Variants in PSD3 observed in about 807,000 individuals in gnomAD.
The protein encoded by PSD3 is pleckstrin and Sec7 domain containing 3, also known as PH and SEC7 domain-containing protein 3.
In PSD3, 49 loss-of-function variants were observed where a neutral mutation model predicts 105.5. The ratio of observed to expected loss-of-function variants is 0.46; its 90% confidence interval spans 0.37 to 0.59. PSD3 has a LOEUF of 0.59. Ranked by LOEUF, PSD3 falls within the 20% of genes least tolerant of loss-of-function variation. The pLI, the probability that PSD3 is intolerant of heterozygous loss-of-function variation, is 0.00. For synonymous variants in PSD3, 557 were observed against 457.8 expected, an observed-to-expected ratio of 1.22 and a Z score of -2.77; for missense variants, 1,561 against 1,263.8, an observed-to-expected ratio of 1.24 and a Z score of -3.57.
At chr8:18,802,844 A>G (rs570229681) in intron 6 of PSD3, among the ~76,000 whole-genome samples, 13 of 152,364 alleles carry the variant, frequency 8.5e-5, no homozygotes, top group Admixed American at 5.2e-4. Context: ...TAATGTAAAA[A>G]GTGAGAATCA....
intron 1 of PSD3, among the ~76,000 whole-genome samples, chr8:18,987,201 T>A (rs1016283580): frequency 6.6e-6 from 1 of 152,010 alleles, no homozygotes; most frequent in Non-Finnish European, 1.5e-5. Flanking sequence ...TAGAAGAAAA[T>A]TTTTTGAGGT....
At chr8:18,748,595 G>C (rs907796820) in intron 9 of PSD3, among the ~76,000 whole-genome samples, 85 of 148,888 alleles carry the variant, frequency 5.7e-4, no homozygotes, top group Non-Finnish European at 8.9e-4. Context: ...GGGATGCAGA[G>C]CTTGCAGTGA....
At chr8:18,633,518 T>G (rs150646900) in intron 10 of PSD3, among the ~76,000 whole-genome samples, 33 of 152,286 alleles carry the variant, frequency 2.2e-4, no homozygotes, top group Middle Eastern at 3.4e-3. Flanking sequence ...GTATTTGGTT[T>G]TCTGTTCCTG....
At chr8:18,714,163 A>C (rs935794115) in intron 9 of PSD3, among the ~76,000 whole-genome samples, 13 of 152,198 alleles carry the variant, frequency 8.5e-5, no homozygotes, top group Admixed American at 2.6e-4. Flanking sequence ...TGTAAAACCC[A>C]AAACTGGAAA....
intron 1 of PSD3, among the ~76,000 whole-genome samples, chr8:18,955,550 T>C (rs1403442881): frequency 2.0e-5 from 3 of 152,190 alleles, no homozygotes; most frequent in African/African-American, 4.8e-5. Context: ...ACAATCAACC[T>C]TCTACACATT....
chr8:18,775,178 C>A (rs7823903), intron 8 of PSD3, among the ~76,000 whole-genome samples: 65,587 of 151,928 alleles, frequency 0.43, 14,554 homozygotes, highest in East Asian at 0.69. Flanking sequence ...ACATTGCTAC[C>A]AATAACATAA....
intron 4 of PSD3, among the ~76,000 whole-genome samples, chr8:18,807,619 C>T (rs1292524451): frequency 6.6e-6 from 1 of 152,164 alleles, no homozygotes; most frequent in Non-Finnish European, 1.5e-5. Context: ...CAGTCAATAT[C>T]AATGGCAGAA....
At chr8:18,823,815 C>A (rs1283130047) in intron 4 of PSD3, among the ~76,000 whole-genome samples, 1 of 150,522 alleles carries the variant, frequency 6.6e-6, no homozygotes, top group Non-Finnish European at 1.5e-5. Context: ...CACACACACA[C>A]CCCATTCCAT....
intron 2 of PSD3, among the ~76,000 whole-genome samples, chr8:18,888,002 A>C (rs552054450): frequency 6.6e-6 from 1 of 152,214 alleles, no homozygotes; most frequent in Non-Finnish European, 1.5e-5. Flanking sequence ...CCAAGATCAC[A>C]CGGCTAACGC....
At chr8:18,736,154 A>G (rs565969811) in intron 9 of PSD3, among the ~76,000 whole-genome samples, 40 of 152,292 alleles carry the variant, frequency 2.6e-4, no homozygotes, top group Middle Eastern at 3.4e-3. Flanking sequence ...TATCTCACGT[A>G]ATTTCTATAA....
intron 14 of PSD3, among the ~76,000 whole-genome samples, chr8:18,568,859 C>A (rs1355594763): frequency 1.3e-5 from 2 of 151,200 alleles, no homozygotes; most frequent in African/African-American, 4.9e-5. Flanking sequence ...CTCCCCACTC[C>A]CCCGACCCCA....
At chr8:19,033,410 A>G (rs545468218) in intron 1 of PSD3, among the ~76,000 whole-genome samples, 5 of 151,894 alleles carry the variant, frequency 3.3e-5, no homozygotes, top group Non-Finnish European at 7.4e-5. Flanking sequence ...TACCTATTTT[A>G]TTTTTCGAAG....
intron 1 of PSD3, among the ~76,000 whole-genome samples, chr8:19,009,310 T>C (rs1258247476): frequency 6.6e-6 from 1 of 152,236 alleles, no homozygotes; most frequent in Non-Finnish European, 1.5e-5. Context: ...AGAGCTCAGT[T>C]TCTGCAACAC....
At chr8:18,652,932 A>G (rs1451085956) in intron 10 of PSD3, among the ~76,000 whole-genome samples, 1 of 152,220 alleles carries the variant, frequency 6.6e-6, no homozygotes, top group Admixed American at 6.5e-5. Context: ...CAGTGATTTA[A>G]TAAATTGGGG....
chr8:18,616,395 G>C (rs1805666097), intron 11 of PSD3, among the ~76,000 whole-genome samples: 1 of 152,198 alleles, frequency 6.6e-6, no homozygotes, highest in Non-Finnish European at 1.5e-5. Context: ...GGGGAGATTT[G>C]CATCTGTGGA....
chr8:18,747,973 G>C (rs1052366281), intron 9 of PSD3, among the ~76,000 whole-genome samples: 2 of 152,084 alleles, frequency 1.3e-5, no homozygotes, highest in African/African-American at 4.8e-5. Flanking sequence ...GAAAGACTAC[G>C]GAAGTCTTCG....
chr8:18,873,167 C>T (rs970555101), intron 2 of PSD3, among the ~76,000 whole-genome samples: 3 of 152,176 alleles, frequency 2.0e-5, no homozygotes, highest in Admixed American at 2.0e-4. Context: ...CTGTGCAGTG[C>T]AAGCTCCGAG....
chr8:18,677,422 A>C (rs1452893971), intron 9 of PSD3, among the ~76,000 whole-genome samples: 1 of 146,476 alleles, frequency 6.8e-6, no homozygotes, highest in Non-Finnish European at 1.5e-5. Context: ...TATTAAAAAT[A>C]AAAAAAAAAT....
intron 1 of PSD3, among the ~76,000 whole-genome samples, chr8:18,972,513 T>C (rs904965470): frequency 4.6e-5 from 7 of 152,168 alleles, no homozygotes; most frequent in Admixed American, 6.5e-5. Flanking sequence ...CCTCCACCAA[T>C]GGAGGCAGCC....
Sources: allele counts gnomAD v4.1 joint callset (sites outside exome capture counted in the v4.1 genomes callset), GRCh38; gene constraint gnomAD v4.1.1; transcripts MANE v1.5; gene names NCBI Gene and HGNC (gene_info 2026-07-23, HGNC 2026-07-21).